Variants in RANBP2 observed in about 807,000 individuals in gnomAD.
The protein encoded by RANBP2 is RAN binding protein 2, also known as E3 SUMO-protein ligase RanBP2.
RANBP2 carries 57 observed loss-of-function variants against 303.6 expected under a neutral mutation model. That is an observed-to-expected ratio of 0.19 (90% confidence interval 0.15 to 0.23). The LOEUF is 0.23. Ranked by LOEUF, RANBP2 falls within the 10% of genes least tolerant of loss-of-function variation. RANBP2 has a pLI of 1.00. For missense variants in RANBP2, 3,138 were observed against 3,780.8 expected (o/e 0.83, Z 4.46); for synonymous variants, 1,167 against 1,301.5 (o/e 0.90, Z 2.23).
At chr2:109,664,479 C>A in the RANBP2 span, among the ~76,000 whole-genome samples, 1 of 151,930 alleles carries the variant, frequency 6.6e-6, no homozygotes, top group Admixed American at 6.6e-5. Context: ...TGGCCGGCAC[C>A]TGTAATCCCA....
chr2:108,953,397 A>T, the RANBP2 span, among the ~76,000 whole-genome samples: 1 of 152,092 alleles, frequency 6.6e-6, no homozygotes, highest in Non-Finnish European at 1.5e-5. Context: ...AATTGTAGAT[A>T]CTTTATCTCT....
At chr2:109,458,389 C>T in the RANBP2 span, among the ~76,000 whole-genome samples, 3 of 152,250 alleles carry the variant, frequency 2.0e-5, no homozygotes, top group Non-Finnish European at 4.4e-5. Flanking sequence ...GCTTCATCAC[C>T]TGCCTTCTAA....
chr2:109,110,924 G>T, the RANBP2 span, among the ~76,000 whole-genome samples: 1 of 152,158 alleles, frequency 6.6e-6, no homozygotes, highest in Non-Finnish European at 1.5e-5. Context: ...GCAGAACGGG[G>T]GTGTGAGTTC....
chr2:108,849,066 G>A, the RANBP2 span, among the ~76,000 whole-genome samples: 1 of 152,068 alleles, frequency 6.6e-6, no homozygotes, highest in East Asian at 1.9e-4. Context: ...TTCTGCAAAT[G>A]AAAAACCCAG....
the RANBP2 span, among the ~76,000 whole-genome samples, chr2:109,146,446 C>G: frequency 6.6e-5 from 10 of 152,092 alleles, no homozygotes; most frequent in Non-Finnish European, 1.3e-4. Flanking sequence ...CAATTCCGTG[C>G]CAAGAGGCCT....
chr2:109,196,788 G>A, the RANBP2 span, among the ~76,000 whole-genome samples: 1,203 of 152,290 alleles, frequency 7.9e-3, 11 homozygotes, highest in East Asian at 0.036. Context: ...GAGATCAGGC[G>A]CCAATAGCAT....
At chr2:109,614,991 C>T in the RANBP2 span, 3 of 1,542,158 alleles carry the variant, frequency 1.9e-6, no homozygotes, top group East Asian at 2.4e-5. Context: ...ACCGCGGACT[C>T]CAGCCCCGGG....
the RANBP2 span, among the ~76,000 whole-genome samples, chr2:109,375,314 A>G: frequency 6.6e-6 from 1 of 151,866 alleles, no homozygotes; most frequent in Non-Finnish European, 1.5e-5. Flanking sequence ...GAAGTGAGAA[A>G]CTCTCCTGCG....
chr2:108,907,649 CAA>C, the RANBP2 span, among the ~76,000 whole-genome samples: 18 of 144,060 alleles, frequency 1.2e-4, no homozygotes, highest in Non-Finnish European at 1.1e-4. Context: ...CTCTCATCTC[CAA>C]AAAAAAAAAA....
At chr2:108,806,387 A>G in the RANBP2 span, among the ~76,000 whole-genome samples, 4 of 152,296 alleles carry the variant, frequency 2.6e-5, no homozygotes, top group Non-Finnish European at 4.4e-5. Flanking sequence ...ATTGGGGTGG[A>G]TATGTGGATT....
Position 108,782,633 on chromosome 2 carries a change from T to A in RANBP2, c.9140T>A (p.Leu3047His). Reference sequence around the variant, plus strand: ...GAATGTCAGCAGAATTTAATGAAACTCCAGAAAGGACATGTATCACTGGCA... The same window carrying A: ...GAATGTCAGCAGAATTTAATGAAACACCAGAAAGGACATGTATCACTGGCA... ...FEECQQNLMK[L>H]QKGHVSLAAE... Residue 3047 changes from leucine to histidine, a missense_variant, in exon 28 of 29, where the codon CTC becomes CAC. Physicochemically the swap from Leu to His is moderately conservative, Grantham distance 99 (BLOSUM62 -3). Around this residue, in one of 20 missense-constraint regions of RANBP2, gnomAD observed 204 missense variants for 228.4 expected, o/e 0.89. Coordinates refer to ENST00000283195, the MANE Select transcript of RANBP2 (RefSeq NM_006267.5). 1 of 1,614,158 alleles carries A rather than the reference T, an allele frequency of 6.2e-7. No individual in the cohort carries two copies. The highest frequency in any genetic ancestry group is 8.5e-7 in the Non-Finnish European group (1 of 1,180,014).
the RANBP2 span, among the ~76,000 whole-genome samples, chr2:109,036,048 C>T: frequency 6.6e-6 from 1 of 152,138 alleles, no homozygotes; most frequent in African/African-American, 2.4e-5. Flanking sequence ...TGAAAACGCC[C>T]TTCAGGAATG....
chr2:109,511,548 C>T, the RANBP2 span, among the ~76,000 whole-genome samples: 1 of 152,182 alleles, frequency 6.6e-6, no homozygotes, highest in Non-Finnish European at 1.5e-5. Context: ...TGGCAATCAG[C>T]TAAGGCCAAC....
chr2:109,107,000 C>T, the RANBP2 span, among the ~76,000 whole-genome samples: 1 of 146,332 alleles, frequency 6.8e-6, no homozygotes, highest in African/African-American at 2.5e-5. Flanking sequence ...TGCAATGCTG[C>T]AATCTCGGCT....
the RANBP2 span, among the ~76,000 whole-genome samples, chr2:109,717,712 A>G: frequency 6.6e-6 from 1 of 151,990 alleles, no homozygotes; most frequent in African/African-American, 2.4e-5. Context: ...CCAGGAGTTC[A>G]AGACCAGCTT....
the RANBP2 span, among the ~76,000 whole-genome samples, chr2:109,236,906 AAGTAT>A: frequency 6.6e-6 from 1 of 152,216 alleles, no homozygotes; most frequent in Non-Finnish European, 1.5e-5. Flanking sequence ...GACAAGGCAT[AAGTAT>A]AGTTCTAGGG....
chr2:109,714,325 C>T, the RANBP2 span, among the ~76,000 whole-genome samples: 3 of 151,780 alleles, frequency 2.0e-5, no homozygotes, highest in South Asian at 2.1e-4. Flanking sequence ...TTTTTTGAGA[C>T]GGAGTCTCGC....
the RANBP2 span, among the ~76,000 whole-genome samples, chr2:108,841,405 C>T: frequency 1.3e-5 from 2 of 151,848 alleles, no homozygotes; most frequent in African/African-American, 2.4e-5. Context: ...TTATAACCTT[C>T]ATCTGTTTTG....
At chr2:109,433,369 C>T in the RANBP2 span, among the ~76,000 whole-genome samples, 1 of 152,192 alleles carries the variant, frequency 6.6e-6, no homozygotes, top group Admixed American at 6.5e-5. Context: ...CTCAGTTCTA[C>T]TACTTTTATC....
Sources: allele counts gnomAD v4.1 joint callset (sites outside exome capture counted in the v4.1 genomes callset), GRCh38; gene constraint gnomAD v4.1.1; regional missense constraint gnomAD v4.1.1; transcripts MANE v1.5; gene names NCBI Gene and HGNC (gene_info 2026-07-23, HGNC 2026-07-21).